The following FUT8 variants were observed in gnomAD, a reference collection of about 807,000 sequenced individuals.
FUT8 encodes the protein alpha-(1,6)-fucosyltransferase.
Under a neutral mutation model 71.3 loss-of-function variants are expected in FUT8, and 29 were observed. The observed-to-expected ratio is 0.41, with a 90% confidence interval of 0.30 to 0.55. FUT8 has a LOEUF of 0.55. FUT8 is among the 20% of genes least tolerant of loss of function. The pLI, the probability that FUT8 is intolerant of heterozygous loss-of-function variation, is 0.34. For synonymous variants in FUT8, 254 were observed against 239.3 expected (o/e 1.06, Z -0.57); for missense variants, 544 against 702.1 (o/e 0.77, Z 2.55).
At chr14:65,497,381 G>A (rs1203304276) in intron 2 of FUT8, among the ~76,000 whole-genome samples, 1 of 152,134 alleles carries the variant, frequency 6.6e-6, no homozygotes, top group African/African-American at 2.4e-5. Flanking sequence ...AGAGTTTTGT[G>A]TTTGTCATCT....
chr14:65,439,953 T>TATAC lies in FUT8; in HGVS notation c.-325-15668_-325-15667insATAC, dbSNP rs1253340719. Reference sequence around the variant, plus strand: ...GATAAAGAAAATGTGTGTGTGTGTGTGTATATATATATATATATATATATA... The same window carrying TATAC: ...GATAAAGAAAATGTGTGTGTGTGTGTATACGTATATATATATATATATATATATA... On this transcript the variant is annotated intron_variant, in intron 1 of 10. Coordinates refer to ENST00000673929, the MANE Select transcript of FUT8 (RefSeq NM_001371533.1). 1.3e-4 allele frequency among the ~76,000 whole-genome samples: 6 copies of TATAC among 47,238 alleles called. No homozygotes were observed. The Admixed American group carries it at 1.4e-3, about 11-fold the overall frequency. 31.0% of individuals were successfully genotyped at this position (47,238 alleles called of 152,430 possible). A position where few individuals can be genotyped will look rare whatever the true frequency, so the allele number is the denominator to read the frequency against.
At chr14:65,635,374 G>T (rs1168026334) in intron 6 of FUT8, among the ~76,000 whole-genome samples, 1 of 152,126 alleles carries the variant, frequency 6.6e-6, no homozygotes, top group East Asian at 1.9e-4. Flanking sequence ...CCAGTACTGT[G>T]CCAAAGAGGA....
chr14:65,422,211 G>C (rs1398488279), intron 1 of FUT8, among the ~76,000 whole-genome samples: 1 of 152,100 alleles, frequency 6.6e-6, no homozygotes, highest in Admixed American at 6.6e-5. Context: ...CCAGAAAAAG[G>C]GTTCTCATTG....
At chr14:65,448,319 G>A (rs571136517) in intron 1 of FUT8, among the ~76,000 whole-genome samples, 3 of 152,026 alleles carry the variant, frequency 2.0e-5, no homozygotes, top group Admixed American at 6.6e-5. Context: ...ATGGGGGGGC[G>A]GAATAAAGGA....
chr14:65,437,621 T>G (rs1160082040), intron 1 of FUT8, among the ~76,000 whole-genome samples: 3 of 152,340 alleles, frequency 2.0e-5, no homozygotes, highest in Admixed American at 6.5e-5. Flanking sequence ...TTACTTGACA[T>G]CATTAGTTCT....
At chr14:65,711,510 C>G (rs151102151) in intron 7 of FUT8, among the ~76,000 whole-genome samples, 1 of 151,884 alleles carries the variant, frequency 6.6e-6, no homozygotes, top group South Asian at 2.1e-4. Flanking sequence ...CAAAAAAATT[C>G]TCCTTCTTGC....
At chr14:65,452,377 G>T (rs894842037) in intron 1 of FUT8, among the ~76,000 whole-genome samples, 1 of 152,146 alleles carries the variant, frequency 6.6e-6, no homozygotes, top group Non-Finnish European at 1.5e-5. Flanking sequence ...CCGTCAAGCA[G>T]CAAAAGACAT....
chr14:65,488,179 T>C (rs2066436014), intron 2 of FUT8: 1 of 152,172 alleles, frequency 6.6e-6, no homozygotes. Flanking sequence ...AACAGTAATA[T>C]ATGATAATGA....
chr14:65,730,972 C>T (rs973325368), intron 9 of FUT8, among the ~76,000 whole-genome samples: 1 of 152,110 alleles, frequency 6.6e-6, no homozygotes, highest in South Asian at 2.1e-4. Context: ...TGAGTTCTTT[C>T]TAAAAGTAGG....
chr14:65,541,082 T>A (rs969858055), intron 2 of FUT8, among the ~76,000 whole-genome samples: 2 of 152,216 alleles, frequency 1.3e-5, no homozygotes, highest in African/African-American at 4.8e-5. Flanking sequence ...TAAATCATAT[T>A]TTATTAATGA....
intron 2 of FUT8, among the ~76,000 whole-genome samples, chr14:65,502,231 A>T (rs574066136): frequency 1.4e-4 from 20 of 142,924 alleles, no homozygotes; most frequent in Admixed American, 9.8e-4. Context: ...ATTTATTGTT[A>T]TTTTTTTTTT....
At chr14:65,398,467 G>A in the FUT8 span, among the ~76,000 whole-genome samples, 2 of 152,090 alleles carry the variant, frequency 1.3e-5, no homozygotes, top group Non-Finnish European at 2.9e-5. Context: ...CAGGCATGGT[G>A]GCCCATGCCT....
At chr14:65,525,578 C>T (rs1181368115) in intron 2 of FUT8, among the ~76,000 whole-genome samples, 2 of 152,150 alleles carry the variant, frequency 1.3e-5, no homozygotes, top group African/African-American at 2.4e-5. Flanking sequence ...CTGCTCTGAT[C>T]TTAGTTATTT....
upstream of FUT8, among the ~76,000 whole-genome samples, chr14:65,408,202 T>C (rs1420493875): frequency 1.3e-5 from 2 of 152,158 alleles, no homozygotes; most frequent in Non-Finnish European, 2.9e-5. Context: ...TTTTTGGAAG[T>C]TAAGCCGAGA....
chr14:65,478,090 CTT>C (rs1174974046), intron 2 of FUT8, among the ~76,000 whole-genome samples: 2 of 152,058 alleles, frequency 1.3e-5, no homozygotes, highest in Non-Finnish European at 2.9e-5. Flanking sequence ...ATTGATTTTT[CTT>C]TGTCTTTCTT....
chr14:65,385,050 C>T, the FUT8 span, among the ~76,000 whole-genome samples: 1 of 148,148 alleles, frequency 6.8e-6, no homozygotes, highest in Non-Finnish European at 1.5e-5. Context: ...TGCCACCATG[C>T]CTGGCTAATT....
the FUT8 span, among the ~76,000 whole-genome samples, chr14:65,386,153 A>G: frequency 6.6e-6 from 1 of 151,190 alleles, no homozygotes; most frequent in Non-Finnish European, 1.5e-5. Context: ...CTCCATCTAA[A>G]AAAAAAAAAG....
At position 65,669,532 on chromosome 14, in the gene FUT8, C is replaced by A; in HGVS notation, c.835+52C>A. On this transcript the variant is annotated intron_variant, in intron 7 of 10. Transcript: ENST00000673929. This position sits in a 1 kb window ranked among gnomAD's most constrained non-coding sequence, Gnocchi z 4.5. ...TCTCTGGGCTGTTTCACTCAATTAC[C>A]AGATTATTAGATTTCTAGGTAGACC... 7.9e-7 allele frequency: 1 copy of A among 1,266,998 alleles called. No individual in the cohort carries two copies. Among genetic ancestry groups the A allele is most frequent in the Non-Finnish European group, 1.2e-6 (1 of 869,466 alleles). The allele number at this position is 1,266,998 out of a possible 1,614,324, so 78.5% of individuals were successfully genotyped here. A position where few individuals can be genotyped will look rare whatever the true frequency, so the allele number is the denominator to read the frequency against.
chr14:65,436,307 A>G (rs995720038), intron 1 of FUT8, among the ~76,000 whole-genome samples: 1 of 151,940 alleles, frequency 6.6e-6, no homozygotes, highest in Non-Finnish European at 1.5e-5. Context: ...CTTTTCTTTA[A>G]CATTCCGAGA....
Sources: gnomAD v4.1 joint callset for allele counts (sites outside exome capture counted in the v4.1 genomes callset) on GRCh38, gnomAD v4.1.1 for gene constraint, Gnocchi (gnomAD v3.1) non-coding constraint, MANE v1.5 for transcripts, NCBI Gene and HGNC (gene_info 2026-07-23, HGNC 2026-07-21) for gene names.